Variants in RUNDC3B observed in about 807,000 individuals in gnomAD.
The protein encoded by RUNDC3B is RUN domain containing 3B.
A neutral mutation model predicts 58.4 loss-of-function variants in RUNDC3B; 33 were observed. The observed-to-expected ratio is 0.56, with a 90% CI of 0.43 to 0.75. The LOEUF is 0.75. RUNDC3B is among the 30% of genes least tolerant of loss of function. RUNDC3B has a pLI of 0.00. For synonymous variants in RUNDC3B, 193 were observed against 195.2 expected, an observed-to-expected ratio of 0.99 and a Z score of 0.10; for missense variants, 501 against 535.7, an observed-to-expected ratio of 0.94 and a Z score of 0.64.
intron 10 of RUNDC3B, among the ~76,000 whole-genome samples, chr7:87,819,610 A>T (rs868556599): frequency 2.4e-4 from 37 of 152,264 alleles, no homozygotes; most frequent in African/African-American, 8.4e-4. Flanking sequence ...CACCACACCT[A>T]TTCCAAAATT....
chr7:87,645,791 C>T (rs10275831), intron 1 of RUNDC3B, among the ~76,000 whole-genome samples: 7,319 of 152,158 alleles, frequency 0.048, 257 homozygotes, highest in East Asian at 0.089. Flanking sequence ...TCATGACTAG[C>T]TATATGATTT....
chr7:87,712,371 T>G (rs950217494), intron 4 of RUNDC3B, among the ~76,000 whole-genome samples: 1 of 152,066 alleles, frequency 6.6e-6, no homozygotes, highest in African/African-American at 2.4e-5. Flanking sequence ...TGATAAGCAT[T>G]GAGGATACTA....
At chr7:87,727,210 T>C (rs1244839796) in intron 4 of RUNDC3B, among the ~76,000 whole-genome samples, 4 of 152,186 alleles carry the variant, frequency 2.6e-5, no homozygotes. Flanking sequence ...TTCAGTATGA[T>C]ATTCGCTGTG....
chr7:87,821,466 C>A (rs1837428517), intron 10 of RUNDC3B, among the ~76,000 whole-genome samples: 1 of 152,102 alleles, frequency 6.6e-6, no homozygotes, highest in African/African-American at 2.4e-5. Context: ...CCATACTGCC[C>A]AAGGTAATTT....
rs373587877 is a variant in RUNDC3B at position 87,749,985 on chromosome 7, G to A, written c.629+8406G>A. Among the ~76,000 whole-genome samples, 5 of 151,546 alleles carry A rather than the reference G, an allele frequency of 3.3e-5. No homozygotes were observed. The East Asian group carries it at 9.6e-4, about 29-fold the overall frequency. On this transcript the variant is annotated intron_variant, in intron 6 of 10. Transcript: ENST00000394654. ...GCTGGTGTGCTGCACCCACTAACTC[G>A]TCATCTAGCATTAGGTATATCTCCC...
intron 8 of RUNDC3B, among the ~76,000 whole-genome samples, chr7:87,803,541 A>G (rs1011441608): frequency 1.8e-4 from 28 of 152,326 alleles, no homozygotes; most frequent in Middle Eastern, 3.4e-3. Context: ...AAGATAGAGG[A>G]GATTCCTCAA....
intron 2 of RUNDC3B, among the ~76,000 whole-genome samples, chr7:87,685,883 C>T (rs949849740): frequency 6.6e-6 from 1 of 152,128 alleles, no homozygotes; most frequent in Non-Finnish European, 1.5e-5. Flanking sequence ...ATCCCACTTT[C>T]GATTATAATA....
chr7:87,630,019 A>G (rs560679418), intron 1 of RUNDC3B, among the ~76,000 whole-genome samples: 1 of 152,264 alleles, frequency 6.6e-6, no homozygotes, highest in Admixed American at 6.5e-5. Context: ...ATATCTGAGT[A>G]TTAAGAAAAA....
chr7:87,647,136 C>T (rs950349235), intron 1 of RUNDC3B, among the ~76,000 whole-genome samples: 3 of 152,096 alleles, frequency 2.0e-5, no homozygotes, highest in Admixed American at 1.3e-4. Context: ...GTATCATTCT[C>T]GTTTCATAGG....
intron 4 of RUNDC3B, among the ~76,000 whole-genome samples, chr7:87,735,827 G>A (rs1488979539): frequency 6.6e-6 from 1 of 152,072 alleles, no homozygotes; most frequent in Non-Finnish European, 1.5e-5. Context: ...ATCATCATCT[G>A]TAATTATCTT....
At chr7:87,785,842 T>C (rs1835182357) in intron 8 of RUNDC3B, among the ~76,000 whole-genome samples, 1 of 152,204 alleles carries the variant, frequency 6.6e-6, no homozygotes, top group Non-Finnish European at 1.5e-5. Context: ...TGCCTCTGCA[T>C]ACTCTGTGGG....
rs71966757 is a variant in RUNDC3B at position 87,720,002 on chromosome 7, A to AAAGAAAG, written c.458+9349_458+9350insGAAAGAA. Among the ~76,000 whole-genome samples the AAAGAAAG allele has an allele frequency of 1.8e-3, 263 of 150,100 alleles. 4 individuals carry two copies. The East Asian group carries it at 0.02, about 11-fold the overall frequency. ...ATTTGACTACATCCAAAAAAAAAAA[A>AAAGAAAG]AAAAGAGAAAGAAAAACTTTGCAAA... On this transcript the variant is annotated intron_variant, in intron 4 of 10. Transcript: ENST00000394654.
chr7:87,817,048 G>A (rs982421018), intron 10 of RUNDC3B, among the ~76,000 whole-genome samples: 19 of 152,030 alleles, frequency 1.2e-4, no homozygotes, highest in African/African-American at 4.6e-4. Flanking sequence ...GTATATATGA[G>A]AGCTAGGGGA....
intron 2 of RUNDC3B, among the ~76,000 whole-genome samples, chr7:87,689,269 C>G (rs1010996607): frequency 3.9e-5 from 6 of 151,958 alleles, no homozygotes; most frequent in African/African-American, 1.4e-4. Context: ...AATTGATGAT[C>G]TCTGATGGTA....
chr7:87,805,332 A>G lies in RUNDC3B; in HGVS notation c.957-2041A>G, dbSNP rs556997973. 9.2e-5 allele frequency among the ~76,000 whole-genome samples: 14 copies of G among 152,332 alleles called. No individual in the cohort carries two copies. In the East Asian group the frequency reaches 2.5e-3, roughly 27 times the overall value. The stretch of plus-strand genomic sequence containing the variant: ...AAAAGGCCTTACACAAGGATTCTCC[A>G]GGAACCTTTCCTCTTCATAGTGGCA... On this transcript the variant is annotated intron_variant, in intron 8 of 10. Coordinates refer to ENST00000394654, the MANE Select transcript of RUNDC3B (RefSeq NM_001134405.2).
At position 87,824,003 on chromosome 7, in the gene RUNDC3B, G is replaced by C. The variant is rs150700101; in HGVS notation, c.1226-5882G>C. ...ACCCAGGAAAACAATAGTGAAGCAG[G>C]AAAAAAGATGTTATAAAGCCATATA... On this transcript the variant is annotated intron_variant, in intron 10 of 10. Transcript: ENST00000394654. Among the ~76,000 whole-genome samples the C allele has an allele frequency of 3.8e-3, 584 of 151,882 alleles. 3 individuals are homozygous for C. The highest frequency in any genetic ancestry group is 0.014 in the African/African-American group (563 of 41,424).
intron 8 of RUNDC3B, among the ~76,000 whole-genome samples, chr7:87,780,849 T>C (rs1476787525): frequency 1.3e-5 from 2 of 152,204 alleles, no homozygotes; most frequent in Non-Finnish European, 2.9e-5. Context: ...TTGTGTCTAT[T>C]TGTGTAACAG....
At chr7:87,724,900 T>C (rs1831122381) in intron 4 of RUNDC3B, among the ~76,000 whole-genome samples, 1 of 152,032 alleles carries the variant, frequency 6.6e-6, no homozygotes, top group South Asian at 2.1e-4. Context: ...TTTACTTTTG[T>C]TTTTGAGTGA....
chr7:87,650,814 T>G lies in RUNDC3B; in HGVS notation c.123-8T>G. ...TGCCTAAAAGCAACAATAATCTTTTTTTCATAGGTTTTCTGTGAAGACCCT... is the reference window on the plus strand; with the variant it reads ...TGCCTAAAAGCAACAATAATCTTTTGTTCATAGGTTTTCTGTGAAGACCCT... On this transcript the variant is annotated splice_region_variant and splice_polypyrimidine_tract_variant and intron_variant, in intron 1 of 10. Transcript: ENST00000394654. The G allele has an allele frequency of 6.4e-7, 1 of 1,557,690 alleles. No homozygotes were observed. The highest frequency in any genetic ancestry group is 8.9e-7 in the Non-Finnish European group (1 of 1,128,936).
Sources: gnomAD v4.1 joint callset for allele counts (sites outside exome capture counted in the v4.1 genomes callset) on GRCh38, gnomAD v4.1.1 for gene constraint, MANE v1.5 for transcripts, NCBI Gene and HGNC (gene_info 2026-07-23, HGNC 2026-07-21) for gene names.